Variants in CHIC1 observed in about 807,000 individuals in gnomAD.
CHIC1 encodes cysteine rich hydrophobic domain 1, also known as cysteine-rich hydrophobic domain-containing protein 1.
Under a neutral mutation model 18.5 loss-of-function variants are expected in CHIC1, and 7 were observed. The ratio of observed to expected loss-of-function variants is 0.38; its 90% CI spans 0.22 to 0.71. The LOEUF is 0.71. Among genes scored for constraint, CHIC1 ranks in the 30% least tolerant of loss-of-function variants. The pLI, the probability that CHIC1 is intolerant of heterozygous loss-of-function variation, is 0.49. For missense variants in CHIC1, 159 were observed against 176.9 expected (o/e 0.90, Z 0.57); for synonymous variants, 77 against 73.5 (o/e 1.05, Z -0.25).
intron 3 of CHIC1, among the ~76,000 whole-genome samples, chrX:73,601,164 C>G (rs1191478273): frequency 1.9e-5 from 2 of 104,904 alleles, no homozygotes; most frequent in Non-Finnish European, 3.8e-5. Context: ...AACAGAAAGT[C>G]AACAAGGATA....
intron 1 of CHIC1, among the ~76,000 whole-genome samples, chrX:73,567,979 C>A (rs2057453090): frequency 9.0e-6 from 1 of 111,342 alleles, no homozygotes; most frequent in African/African-American, 3.3e-5. Context: ...ATTTCTGATT[C>A]CCTATGAATC....
intron 3 of CHIC1, among the ~76,000 whole-genome samples, chrX:73,659,190 A>T (rs1046652770): frequency 3.6e-5 from 4 of 111,593 alleles, no homozygotes; most frequent in African/African-American, 1.3e-4. Context: ...TATCTAGATC[A>T]ATTCCTTTAC....
chrX:73,615,368 G>A (rs755333926), intron 3 of CHIC1, among the ~76,000 whole-genome samples: 3 of 111,757 alleles, frequency 2.7e-5, no homozygotes, highest in African/African-American at 6.5e-5. Context: ...GTGGTGGGCC[G>A]GTTGGGTGGA....
rs139861915 is a variant in CHIC1 at position 73,603,408 on chromosome X, G to A, written c.507+18836G>A. Among the ~76,000 whole-genome samples the A allele has an allele frequency of 9.7e-4, 105 of 108,193 alleles. 10 individuals carry two copies. Among genetic ancestry groups the A allele is most frequent in the African/African-American group, 3.3e-3 (93 of 27,897 alleles). 94.0% of individuals were successfully genotyped at this position (108,193 alleles called of 115,157 possible). A position where few individuals can be genotyped will look rare whatever the true frequency, so the allele number is the denominator to read the frequency against. Reference sequence around the variant, plus strand: ...GCTTAAGGAGATTTTGGGCTGAGACGCTGGGGTTTTTTAAATATACAATCG... The same window carrying A: ...GCTTAAGGAGATTTTGGGCTGAGACACTGGGGTTTTTTAAATATACAATCG... On this transcript the variant is annotated intron_variant, in intron 3 of 5. Transcript: ENST00000373502.
intron 3 of CHIC1, among the ~76,000 whole-genome samples, chrX:73,632,669 C>T (rs929192484): frequency 1.7e-4 from 19 of 108,868 alleles, no homozygotes; most frequent in African/African-American, 6.0e-4. Flanking sequence ...GTTATGTATC[C>T]ATTGACAAAT....
chrX:73,685,715 A>G lies in CHIC1; in HGVS notation c.*4710A>G, dbSNP rs2058118786. 1 of 111,978 alleles carries G rather than the reference A, an allele frequency of 8.9e-6. No homozygotes were observed. Among genetic ancestry groups the G allele is most frequent in the African/African-American group, 3.2e-5 (1 of 30,900 alleles). The allele number at this position is 111,978 out of a possible 1,213,427, so 9.2% of individuals were successfully genotyped here. A position where few individuals can be genotyped will look rare whatever the true frequency, so the allele number is the denominator to read the frequency against. Reference sequence around the variant, plus strand: ...TTGACTGAAAGATATACTGGATATCATAATTATATAATTTCTAAATAGATT... The same window carrying G: ...TTGACTGAAAGATATACTGGATATCGTAATTATATAATTTCTAAATAGATT... On this transcript the variant is annotated 3_prime_UTR_variant, in exon 6 of 6. Coordinates refer to ENST00000373502, the MANE Select transcript of CHIC1 (RefSeq NM_001039840.4).
At chrX:73,614,160 A>AT (rs981330523) in intron 3 of CHIC1, among the ~76,000 whole-genome samples, 10 of 109,546 alleles carry the variant, frequency 9.1e-5, no homozygotes, top group Admixed American at 1.9e-4. Flanking sequence ...GGCTGGCATT[A>AT]TTTTTTTTTA....
At chrX:73,640,272 C>A (rs889809797) in intron 3 of CHIC1, among the ~76,000 whole-genome samples, 1 of 112,009 alleles carries the variant, frequency 8.9e-6, no homozygotes, top group African/African-American at 3.2e-5. Context: ...GCGTTTTCTG[C>A]ATCTATTGAG....
At chrX:73,658,949 G>T (rs1025251214) in intron 3 of CHIC1, among the ~76,000 whole-genome samples, 1 of 111,865 alleles carries the variant, frequency 8.9e-6, no homozygotes, top group African/African-American at 3.2e-5. Context: ...TTGCCTGGCC[G>T]TGTGGCTAGG....
At chrX:73,646,850 G>C (rs2057891747) in intron 3 of CHIC1, among the ~76,000 whole-genome samples, 1 of 110,249 alleles carries the variant, frequency 9.1e-6, no homozygotes, top group South Asian at 3.7e-4. Flanking sequence ...TACTTTCAAA[G>C]TTTTATCCAT....
At chrX:73,611,127 G>A (rs1022718861) in intron 3 of CHIC1, among the ~76,000 whole-genome samples, 2 of 107,095 alleles carry the variant, frequency 1.9e-5, no homozygotes, top group Non-Finnish European at 3.8e-5. Context: ...CCATTAACTC[G>A]TCATTTAACA....
At chrX:73,579,386 C>T (rs1264146076) in intron 2 of CHIC1, among the ~76,000 whole-genome samples, 2 of 110,646 alleles carry the variant, frequency 1.8e-5, no homozygotes, top group African/African-American at 6.5e-5. Flanking sequence ...TTTGTAGTTG[C>T]AGTTGACTAT....
intron 3 of CHIC1, among the ~76,000 whole-genome samples, chrX:73,625,296 T>C (rs1390636631): frequency 9.0e-6 from 1 of 111,416 alleles, no homozygotes; most frequent in Admixed American, 9.6e-5. Context: ...TCTGTCACCT[T>C]TAATCCATTC....
chrX:73,578,317 T>G (rs1217422082), intron 2 of CHIC1, among the ~76,000 whole-genome samples: 2 of 110,736 alleles, frequency 1.8e-5, no homozygotes, highest in Non-Finnish European at 3.8e-5. Flanking sequence ...AGGCAAAAAG[T>G]TATTTACATA....
chrX:73,613,222 C>G (rs769462718), intron 3 of CHIC1, among the ~76,000 whole-genome samples: 13 of 111,678 alleles, frequency 1.2e-4, no homozygotes, highest in Non-Finnish European at 2.1e-4. Flanking sequence ...CTTTAGTCAG[C>G]ATATAGTTGG....
chrX:73,681,326 A>G lies in CHIC1; in HGVS notation c.*321A>G. 1 of 166,726 alleles carries G rather than the reference A, an allele frequency of 6.0e-6. No homozygotes were observed. Among genetic ancestry groups the G allele is most frequent in the South Asian group, 2.1e-4 (1 of 4,727 alleles). The allele number at this position is 166,726 out of a possible 1,213,427, so 13.7% of individuals were successfully genotyped here. On this transcript the variant is annotated 3_prime_UTR_variant, in exon 6 of 6. Transcript: ENST00000373502. ...AAACTTGTTCTGAGCATGCTGCCTT[A>G]TAATTTTCATACTCATTGTTTCTAA...
intron 3 of CHIC1, among the ~76,000 whole-genome samples, chrX:73,590,697 A>G (rs2057577441): frequency 9.0e-6 from 1 of 111,710 alleles, no homozygotes; most frequent in Non-Finnish European, 1.9e-5. Context: ...AGAATGTCAT[A>G]TAAGTTGAAA....
intron 3 of CHIC1, among the ~76,000 whole-genome samples, chrX:73,638,395 G>A (rs1234511211): frequency 9.0e-6 from 1 of 111,400 alleles, no homozygotes; most frequent in East Asian, 2.8e-4. Flanking sequence ...TCTGTTTCAA[G>A]AGAGAGAATT....
intron 3 of CHIC1, among the ~76,000 whole-genome samples, chrX:73,602,659 T>C (rs1035532080): frequency 4.6e-5 from 5 of 109,078 alleles, no homozygotes; most frequent in Non-Finnish European, 9.4e-5. Context: ...GTCTTCCGTT[T>C]AAGTCTTTAA....
Sources: gnomAD v4.1 joint callset for allele counts (sites outside exome capture counted in the v4.1 genomes callset) on GRCh38, gnomAD v4.1.1 for gene constraint, MANE v1.5 for transcripts, NCBI Gene and HGNC (gene_info 2026-07-23, HGNC 2026-07-21) for gene names.